The following ATP8B1 variants were observed in gnomAD, a reference collection of about 807,000 sequenced individuals.
The protein encoded by ATP8B1 is ATPase phospholipid transporting 8B1, also known as phospholipid-transporting ATPase IC.
A neutral mutation model predicts 149.9 loss-of-function variants in ATP8B1; 80 were observed. That is an observed-to-expected ratio of 0.53 (90% CI 0.45 to 0.64). The LOEUF (loss-of-function observed/expected upper bound fraction) is 0.64, where lower values mean the gene tolerates loss of function less well. ATP8B1 is among the 30% of genes least tolerant of loss of function. The pLI is 0.00. For missense variants in ATP8B1, 1,247 were observed against 1,552.6 expected (o/e 0.80, Z 3.31); for synonymous variants, 536 against 562.8 (o/e 0.95, Z 0.67).
At chr18:57,797,100 T>C (rs948848738) in intron 1 of ATP8B1, among the ~76,000 whole-genome samples, 1 of 152,138 alleles carries the variant, frequency 6.6e-6, no homozygotes, top group Non-Finnish European at 1.5e-5. Context: ...ATCCAATCCA[T>C]GGAAGCTTCC....
At chr18:57,704,795 G>A in intron 3 of ATP8B1, 127 bp from the exon 4 acceptor site, 1 of 724,998 alleles carries the variant, frequency 1.4e-6, no homozygotes, top group South Asian at 1.5e-5. Context: ...AAGATATTGA[G>A]GATTTTGTCT....
In ATP8B1 at chr18:57,654,039, C is replaced by T. The variant is rs747325752; in HGVS notation, c.2968G>A (p.Val990Met). Residue 990 changes from valine (V) to methionine (M), a missense_variant, in exon 24 of 28, where the codon GTG becomes ATG. Transcript: ENST00000648908. ...YEDWFITLYNVLYTSLPVLLM... is the reference protein window; with the variant it reads ...YEDWFITLYNMLYTSLPVLLM... ...AGCACGGGCAGGCTGGTGTACAGCA[C>T]GTTGTAGAGGGTGATGAACCAATCC... 1.1e-5 allele frequency: 17 copies of T among 1,613,852 alleles called. No individual in the cohort carries two copies. Among genetic ancestry groups the T allele is most frequent in the East Asian group, 6.7e-5 (3 of 44,874 alleles).
chr18:57,772,122 T>G (rs2080269036), intron 1 of ATP8B1, among the ~76,000 whole-genome samples: 1 of 152,218 alleles, frequency 6.6e-6, no homozygotes, highest in African/African-American at 2.4e-5. Flanking sequence ...ATCAGTGCTT[T>G]ATAAAAGAGC....
chr18:57,794,769 C>T (rs193154915), intron 1 of ATP8B1, among the ~76,000 whole-genome samples: 4 of 147,470 alleles, frequency 2.7e-5, no homozygotes, highest in African/African-American at 7.8e-5. Context: ...CCAGCCTGGG[C>T]GACAGAGCGA....
intron 1 of ATP8B1, among the ~76,000 whole-genome samples, chr18:57,742,635 G>A (rs184365732): frequency 5.3e-5 from 8 of 152,096 alleles, no homozygotes; most frequent in African/African-American, 7.2e-5. Flanking sequence ...AGTTCAAGAC[G>A]AGTCTGGGCA....
At chr18:57,653,934 A>G in intron 24 of ATP8B1, 58 bp downstream of exon 24, 1 of 1,465,648 alleles carries the variant, frequency 6.8e-7, no homozygotes, top group African/African-American at 1.4e-5. Flanking sequence ...TTTGCTTGGG[A>G]CTTCTCTAAC....
intron 4 of ATP8B1, among the ~76,000 whole-genome samples, chr18:57,704,041 A>G (rs1190475714): frequency 3.3e-5 from 5 of 149,368 alleles, no homozygotes; most frequent in African/African-American, 1.2e-4. Context: ...ATCTCGGCTC[A>G]CTGCAACCTC....
In ATP8B1 at chr18:57,701,451, G is replaced by A. The variant is rs1913118046; in HGVS notation, c.394-138C>T. On this transcript the variant is annotated intron_variant, in intron 4 of 27. Coordinates refer to ENST00000648908, the MANE Select transcript of ATP8B1 (RefSeq NM_001374385.1). Reference sequence around the variant, plus strand: ...AAGTCTACATCCTGCAGAGTATATAGGAAAGGCTCTTCAAGCATTTGGACA... The same window carrying A: ...AAGTCTACATCCTGCAGAGTATATAAGAAAGGCTCTTCAAGCATTTGGACA... The A allele has an allele frequency of 3.8e-6, 3 of 794,894 alleles. No individual in the cohort carries two copies. In the East Asian group the frequency reaches 8.0e-5, roughly 21 times the overall value. The allele number at this position is 794,894 out of a possible 1,614,324, so 49.2% of individuals were successfully genotyped here. A position where few individuals can be genotyped will look rare whatever the true frequency, so the allele number is the denominator to read the frequency against.
chr18:57,694,228 G>T (rs186347835), intron 11 of ATP8B1, among the ~76,000 whole-genome samples: 39 of 152,122 alleles, frequency 2.6e-4, no homozygotes, highest in African/African-American at 8.7e-4. Context: ...CTGCCTCTAT[G>T]GGAAAGTAAC....
intron 1 of ATP8B1, among the ~76,000 whole-genome samples, chr18:57,797,703 C>CTTTTTTTTTTTTTTT (rs59261353): frequency 3.1e-5 from 3 of 96,286 alleles, no homozygotes; most frequent in Non-Finnish European, 5.9e-5. Flanking sequence ...TTCTTTCTTT[C>CTTTTTTTTTTTTTTT]TTTTTTTTTT....
At chr18:57,730,646 A>C (rs1334610987) in intron 2 of ATP8B1, among the ~76,000 whole-genome samples, 1 of 152,150 alleles carries the variant, frequency 6.6e-6, no homozygotes, top group East Asian at 1.9e-4. Context: ...GCCTTCAGTG[A>C]TGTACTGTCT....
chr18:57,711,747 C>T (rs1294407831), intron 2 of ATP8B1, among the ~76,000 whole-genome samples: 3 of 152,050 alleles, frequency 2.0e-5, no homozygotes, highest in Non-Finnish European at 4.4e-5. Flanking sequence ...TGCACGCCAT[C>T]GTACCTAATT....
chr18:57,736,461 T>G (rs1281902372), intron 1 of ATP8B1, among the ~76,000 whole-genome samples: 2 of 142,134 alleles, frequency 1.4e-5, no homozygotes, highest in African/African-American at 2.6e-5. Flanking sequence ...TAGTTTTTTT[T>G]TTTTTTTTTT....
chr18:57,754,714 A>T (rs1439790736), intron 1 of ATP8B1, among the ~76,000 whole-genome samples: 1 of 152,190 alleles, frequency 6.6e-6, no homozygotes, highest in Non-Finnish European at 1.5e-5. Flanking sequence ...ACTACAGCCC[A>T]CGCCGGGGCT....
intron 2 of ATP8B1, among the ~76,000 whole-genome samples, chr18:57,716,310 C>T (rs988384982): frequency 4.0e-5 from 6 of 151,558 alleles, no homozygotes; most frequent in East Asian, 1.9e-4. Context: ...ACAAAGCCAC[C>T]GGAAAACATA....
rs1192654158 is a variant in ATP8B1, at chr18:57,704,069, C to T, written c.393+486G>A. ...GCAACCTCCGCCTCCTGGGTTCAAG[C>T]GATTCTCTTGCCTCAGTCTCCCGAG... On this transcript the variant is annotated intron_variant, in intron 4 of 27. Coordinates refer to ENST00000648908, the MANE Select transcript of ATP8B1 (RefSeq NM_001374385.1). Among the ~76,000 whole-genome samples, 4 of 151,904 alleles carry T rather than the reference C, an allele frequency of 2.6e-5. 1 individual carries two copies. The highest frequency in any genetic ancestry group is 2.1e-4 in the South Asian group (1 of 4,810).
In ATP8B1 at chr18:57,648,451, G is replaced by A; in HGVS notation, c.*37C>T. On this transcript the variant is annotated 3_prime_UTR_variant, in exon 28 of 28. Coordinates refer to ENST00000648908, the MANE Select transcript of ATP8B1 (RefSeq NM_001374385.1). ...GAGAGTCTTTCATAAAAAAATAGAC[G>A]TGCTTTGTGGCCGCATCCCAGCCTG... is the stretch of plus-strand genomic sequence containing the variant. 3 of 1,604,338 alleles carry A rather than the reference G, an allele frequency of 1.9e-6. No homozygotes were observed. The highest frequency in any genetic ancestry group is 2.6e-6 in the Non-Finnish European group (3 of 1,174,154).
At chr18:57,683,979 T>G in intron 15 of ATP8B1, 57 bp downstream of exon 15, 4 of 1,602,992 alleles carry the variant, frequency 2.5e-6, no homozygotes, top group South Asian at 2.2e-5. Flanking sequence ...TAAGCAGGAG[T>G]TACCTGGAAA....
chr18:57,727,103 A>G, intron 2 of ATP8B1, among the ~76,000 whole-genome samples: 1 of 152,256 alleles, frequency 6.6e-6, no homozygotes. Context: ...ACAAATAAAT[A>G]AAAAGAATAA....
Sources: gnomAD v4.1 joint callset for allele counts (sites outside exome capture counted in the v4.1 genomes callset) on GRCh38, gnomAD v4.1.1 for gene constraint, MANE v1.5 for transcripts, NCBI Gene and HGNC (gene_info 2026-07-23, HGNC 2026-07-21) for gene names.